Variants in PLCXD3 observed in about 807,000 individuals in gnomAD.
PLCXD3 encodes phosphatidylinositol specific phospholipase C X domain containing 3.
Under a neutral mutation model 25.5 loss-of-function variants are expected in PLCXD3, and 19 were observed. The observed-to-expected ratio is 0.75, with a 90% CI of 0.52 to 1.09. The LOEUF is 1.09. Ranked by LOEUF, PLCXD3 falls within the 50% of genes least tolerant of loss-of-function variation. The probability of loss-of-function intolerance (pLI) is 0.00; values close to 1 mark genes in which losing one functional copy is unlikely to be tolerated. For missense variants in PLCXD3, 411 were observed against 388.1 expected, an observed-to-expected ratio of 1.06 and a Z score of -0.50; for synonymous variants, 174 against 137.6, an observed-to-expected ratio of 1.26 and a Z score of -1.85.
intron 1 of PLCXD3, among the ~76,000 whole-genome samples, chr5:41,443,383 T>C (rs933206544): frequency 1.1e-4 from 16 of 152,158 alleles, no homozygotes; most frequent in Admixed American, 7.9e-4. Context: ...TCTAGGTTAG[T>C]ACACTCCATG....
chr5:41,495,341 T>G (rs748599563), intron 1 of PLCXD3, among the ~76,000 whole-genome samples: 5 of 152,210 alleles, frequency 3.3e-5, no homozygotes, highest in Admixed American at 2.0e-4. Context: ...ACAAAATTTT[T>G]GGGCAACTTG....
At chr5:41,494,207 T>G (rs1244767625) in intron 1 of PLCXD3, among the ~76,000 whole-genome samples, 1 of 152,226 alleles carries the variant, frequency 6.6e-6, no homozygotes, top group African/African-American at 2.4e-5. Context: ...GCAATCATTC[T>G]GCCTCAGCCT....
intron 2 of PLCXD3, among the ~76,000 whole-genome samples, chr5:41,323,105 A>T (rs1743524311): frequency 6.6e-6 from 1 of 152,220 alleles, no homozygotes; most frequent in Non-Finnish European, 1.5e-5. Flanking sequence ...ATGTTAAGTG[A>T]AATAAGCCAG....
At chr5:41,333,218 A>C (rs1042311009) in intron 2 of PLCXD3, among the ~76,000 whole-genome samples, 4 of 152,114 alleles carry the variant, frequency 2.6e-5, no homozygotes, top group Non-Finnish European at 5.9e-5. Flanking sequence ...TTGATCTGCA[A>C]AGTTTAAAAT....
At chr5:41,353,486 T>G (rs934760959) in intron 2 of PLCXD3, among the ~76,000 whole-genome samples, 1 of 152,158 alleles carries the variant, frequency 6.6e-6, no homozygotes, top group African/African-American at 2.4e-5. Context: ...TTTCCTGGGA[T>G]ATGGTCTGAG....
intron 1 of PLCXD3, among the ~76,000 whole-genome samples, chr5:41,480,790 G>A (rs542331371): frequency 7.2e-5 from 11 of 151,870 alleles, no homozygotes; most frequent in African/African-American, 1.5e-4. Context: ...GTGTGGTGGC[G>A]GGCACCTGTA....
Position 41,478,799 on chromosome 5 carries a change from A to C in PLCXD3, c.103+31625T>G, listed in dbSNP as rs550122905. ...CTCACAGTTACACAGGCTGTACAGG[A>C]AGCATGGTTGGGGAGACCTCAGGAA... On this transcript the variant is annotated intron_variant, in intron 1 of 2. Transcript: ENST00000377801. Among the ~76,000 whole-genome samples, 6 of 152,338 alleles carry C rather than the reference A, an allele frequency of 3.9e-5. No individual in the cohort carries two copies. The South Asian group carries it at 1.2e-3, about 32-fold the overall frequency.
Position 41,310,744 on chromosome 5 carries a change from G to A in PLCXD3, c.*2873C>T, listed in dbSNP as rs1743116594. 1 of 152,562 alleles carries A rather than the reference G, an allele frequency of 6.6e-6. No individual in the cohort carries two copies. Among genetic ancestry groups the A allele is most frequent in the South Asian group, 2.1e-4 (1 of 4,832 alleles). 9.5% of individuals were successfully genotyped at this position (152,562 alleles called of 1,614,324 possible). ...TCCCCCTCTAGCTGGAGGACCCATG[G>A]TTCCCTTCTACCTCTTCCCTCCTTT... On this transcript the variant is annotated 3_prime_UTR_variant, in exon 3 of 3. Transcript: ENST00000377801.
At chr5:41,329,823 TTAATTA>T (rs2150473765) in intron 2 of PLCXD3, among the ~76,000 whole-genome samples, 1 of 143,224 alleles carries the variant, frequency 7.0e-6, no homozygotes, top group Non-Finnish European at 1.5e-5. Flanking sequence ...ATATTAATTA[TTAATTA>T]TAATTATAGT....
intron 1 of PLCXD3, among the ~76,000 whole-genome samples, chr5:41,411,268 C>T (rs939987289): frequency 2.0e-5 from 3 of 152,158 alleles, no homozygotes; most frequent in African/African-American, 7.2e-5. Context: ...TCTGAAATAA[C>T]ACAACATTAC....
rs1417560924 is a variant in PLCXD3 at position 41,309,735 on chromosome 5, A to G, written c.*3882T>C. ...AGATGTGTGTATGTGTTTGTAATTTATATTCTAGTCCATTATGGATTCTCT... is the reference window on the plus strand; with the variant it reads ...AGATGTGTGTATGTGTTTGTAATTTGTATTCTAGTCCATTATGGATTCTCT... On this transcript the variant is annotated 3_prime_UTR_variant, in exon 3 of 3. Coordinates refer to ENST00000377801, the MANE Select transcript of PLCXD3 (RefSeq NM_001005473.3). 6.6e-6 allele frequency: 1 copy of G among 152,166 alleles called. No homozygotes were observed. Among genetic ancestry groups the G allele is most frequent in the Non-Finnish European group, 1.5e-5 (1 of 68,002 alleles). The allele number at this position is 152,166 out of a possible 1,614,324, so 9.4% of individuals were successfully genotyped here. A position where few individuals can be genotyped will look rare whatever the true frequency, so the allele number is the denominator to read the frequency against.
intron 1 of PLCXD3, among the ~76,000 whole-genome samples, chr5:41,467,109 T>G (rs1395421331): frequency 1.3e-5 from 2 of 152,146 alleles, no homozygotes; most frequent in Admixed American, 6.5e-5. Context: ...AATTGGAATT[T>G]TAGCTTTTTG....
At chr5:41,317,239 C>T (rs1266449585) in intron 2 of PLCXD3, among the ~76,000 whole-genome samples, 1 of 152,214 alleles carries the variant, frequency 6.6e-6, no homozygotes, top group African/African-American at 2.4e-5. Flanking sequence ...GAGAATTCTC[C>T]CATATCTGGA....
chr5:41,426,045 T>C (rs1746947890), intron 1 of PLCXD3, among the ~76,000 whole-genome samples: 1 of 152,212 alleles, frequency 6.6e-6, no homozygotes, highest in Non-Finnish European at 1.5e-5. Context: ...TCTTTCAAAG[T>C]GGCTGTTCCA....
At chr5:41,414,639 C>T (rs902181714) in intron 1 of PLCXD3, among the ~76,000 whole-genome samples, 7 of 152,186 alleles carry the variant, frequency 4.6e-5, no homozygotes, top group Non-Finnish European at 8.8e-5. Context: ...GCAGTTTTGC[C>T]TTCCGCAATT....
chr5:41,391,357 T>G (rs1349803141), intron 1 of PLCXD3, among the ~76,000 whole-genome samples: 1 of 152,176 alleles, frequency 6.6e-6, no homozygotes, highest in Non-Finnish European at 1.5e-5. Context: ...GTCTTTCATC[T>G]TGGATACCAA....
chr5:41,381,287 A>T (rs1245847668), intron 2 of PLCXD3, among the ~76,000 whole-genome samples: 2 of 152,140 alleles, frequency 1.3e-5, no homozygotes, highest in Non-Finnish European at 2.9e-5. Context: ...GTCAAAATAC[A>T]TGGTGTTATG....
intron 2 of PLCXD3, among the ~76,000 whole-genome samples, chr5:41,377,642 T>C (rs888635406): frequency 2.6e-5 from 4 of 152,094 alleles, no homozygotes; most frequent in Non-Finnish European, 4.4e-5. Context: ...ATTGCTACAA[T>C]GTAGAAAACG....
chr5:41,488,149 C>A (rs1748563667), intron 1 of PLCXD3, among the ~76,000 whole-genome samples: 3 of 149,186 alleles, frequency 2.0e-5, no homozygotes, highest in Admixed American at 6.8e-5. Flanking sequence ...TGTTCAATTC[C>A]CACCTATGAG....
Sources: allele counts gnomAD v4.1 joint callset (sites outside exome capture counted in the v4.1 genomes callset), GRCh38; gene constraint gnomAD v4.1.1; transcripts MANE v1.5; gene names NCBI Gene and HGNC (gene_info 2026-07-23, HGNC 2026-07-21).